Variants in ARK2C observed in about 807,000 individuals in gnomAD.
ARK2C encodes arkadia (RNF111) C-terminal like ring finger ubiquitin ligase 2C, also known as E3 ubiquitin-protein ligase ARK2C.
chr18:46,456,934 G>A, the ARK2C span: 2 of 396,176 alleles, frequency 5.0e-6, no homozygotes, highest in Non-Finnish European at 9.5e-6. Flanking sequence ...ACCCAGGTGG[G>A]ATCCTGAAGG....
At chr18:46,383,454 A>C in the ARK2C span, among the ~76,000 whole-genome samples, 5 of 152,164 alleles carry the variant, frequency 3.3e-5, no homozygotes, top group African/African-American at 4.8e-5. Flanking sequence ...AATTAGACAC[A>C]AGACTAGTTA....
the ARK2C span, among the ~76,000 whole-genome samples, chr18:46,427,729 AG>A: frequency 6.6e-6 from 1 of 152,220 alleles, no homozygotes; most frequent in Admixed American, 6.5e-5. Flanking sequence ...GCACCAAGCC[AG>A]GTGCGTGGGG....
At chr18:46,413,708 C>T in the ARK2C span, among the ~76,000 whole-genome samples, 1 of 152,054 alleles carries the variant, frequency 6.6e-6, no homozygotes, top group Non-Finnish European at 1.5e-5. Context: ...CTGCTCTACT[C>T]ACATTTAAAA....
chr18:46,344,441 C>T, the ARK2C span, among the ~76,000 whole-genome samples: 1,558 of 152,108 alleles, frequency 0.01, 23 homozygotes, highest in African/African-American at 0.036. Flanking sequence ...GGGCCCCCTC[C>T]GGGCTGCCTG....
the ARK2C span, among the ~76,000 whole-genome samples, chr18:46,348,900 CTGTG>C: frequency 0.59 from 85,009 of 144,412 alleles, 26,201 homozygotes; most frequent in South Asian, 0.7. Flanking sequence ...CTCTCTCTTT[CTGTG>C]TGTGTGTGTG....
chr18:46,456,265 C>T, the ARK2C span, among the ~76,000 whole-genome samples: 4 of 152,138 alleles, frequency 2.6e-5, no homozygotes, highest in African/African-American at 9.7e-5. Flanking sequence ...GTGTGATGCC[C>T]GGGTACGGAC....
chr18:46,366,777 T>G, the ARK2C span, among the ~76,000 whole-genome samples: 1 of 152,250 alleles, frequency 6.6e-6, no homozygotes, highest in African/African-American at 2.4e-5. Flanking sequence ...TTCATTCACA[T>G]GCTCATTCAT....
At chr18:46,352,294 A>T in the ARK2C span, among the ~76,000 whole-genome samples, 1 of 102,914 alleles carries the variant, frequency 9.7e-6, no homozygotes, top group African/African-American at 3.8e-5. Context: ...CCCCACCTAG[A>T]ATCTACACTT....
the ARK2C span, among the ~76,000 whole-genome samples, chr18:46,452,843 C>A: frequency 1.3e-5 from 2 of 152,124 alleles, no homozygotes; most frequent in Non-Finnish European, 2.9e-5. Context: ...CTCGGTTCTA[C>A]CCCTTATAAC....
At chr18:46,385,755 CT>C in the ARK2C span, 1 of 152,204 alleles carries the variant, frequency 6.6e-6, no homozygotes, top group Non-Finnish European at 1.5e-5. Flanking sequence ...GCAGGACCCC[CT>C]CGAGGCAGTT....
At chr18:46,404,536 G>A in the ARK2C span, among the ~76,000 whole-genome samples, 1 of 152,124 alleles carries the variant, frequency 6.6e-6, no homozygotes, top group African/African-American at 2.4e-5. Context: ...GGTGGATTAT[G>A]TGAGGTCGGG....
the ARK2C span, among the ~76,000 whole-genome samples, chr18:46,406,686 A>G: frequency 6.6e-6 from 1 of 152,198 alleles, no homozygotes; most frequent in Non-Finnish European, 1.5e-5. Context: ...CAGAGGGATC[A>G]CATGTGGGCT....
chr18:46,423,532 C>T, the ARK2C span, among the ~76,000 whole-genome samples: 1 of 152,200 alleles, frequency 6.6e-6, no homozygotes, highest in Non-Finnish European at 1.5e-5. Flanking sequence ...TTCGGCAAGC[C>T]ACCAGGCAGG....
chr18:46,458,321 C>T, the ARK2C span: 1 of 152,702 alleles, frequency 6.5e-6, no homozygotes, highest in African/African-American at 2.4e-5. Context: ...ACCCAACTTT[C>T]TTTCTCCCTA....
chr18:46,446,389 G>C, the ARK2C span, among the ~76,000 whole-genome samples: 2 of 152,102 alleles, frequency 1.3e-5, no homozygotes, highest in Non-Finnish European at 2.9e-5. Context: ...ATGAAGAGTT[G>C]GCTGGGTGTG....
At chr18:46,389,317 A>G in the ARK2C span, among the ~76,000 whole-genome samples, 3 of 152,358 alleles carry the variant, frequency 2.0e-5, no homozygotes, top group South Asian at 2.1e-4. Flanking sequence ...ACTTATGTGC[A>G]TCTTTCCCAA....
At chr18:46,340,084 C>T in the ARK2C span, among the ~76,000 whole-genome samples, 1 of 152,234 alleles carries the variant, frequency 6.6e-6, no homozygotes, top group Non-Finnish European at 1.5e-5. Context: ...TACTCCACAA[C>T]TGTCACACAA....
At chr18:46,450,618 T>C in the ARK2C span, 6 of 1,079,716 alleles carry the variant, frequency 5.6e-6, no homozygotes, top group Non-Finnish European at 8.5e-6. Flanking sequence ...TTCCTGCTCA[T>C]GTCTTCCAGC....
chr18:46,438,848 A>C, the ARK2C span, among the ~76,000 whole-genome samples: 7 of 152,232 alleles, frequency 4.6e-5, no homozygotes, highest in African/African-American at 7.2e-5. Flanking sequence ...GTGCTCTACA[A>C]AGAGTTTTCA....
Sources: allele counts gnomAD v4.1 joint callset (sites outside exome capture counted in the v4.1 genomes callset), GRCh38; gene constraint gnomAD v4.1.1; transcripts MANE v1.5; gene names NCBI Gene and HGNC (gene_info 2026-07-23, HGNC 2026-07-21).